LAPTM4B: variants seen among roughly 807,000 people sequenced by gnomAD.
LAPTM4B encodes lysosomal protein transmembrane 4 beta, also known as lysosomal-associated transmembrane protein 4B.
In LAPTM4B, 26 loss-of-function variants were observed where a neutral mutation model predicts 28.5. That is an observed-to-expected ratio of 0.91 (90% CI 0.67 to 1.27). The LOEUF (loss-of-function observed/expected upper bound fraction) is 1.27. Ranked by LOEUF, LAPTM4B falls within the 50% of genes most tolerant of loss-of-function variation. The pLI is 0.00. For missense variants in LAPTM4B, 288 were observed against 285.8 expected (o/e 1.01, Z -0.06); for synonymous variants, 109 against 106.4 (o/e 1.02, Z -0.15).
intron 1 of LAPTM4B, among the ~76,000 whole-genome samples, chr8:97,778,312 CTTTTT>C (rs569574870): frequency 2.1e-5 from 3 of 143,990 alleles, no homozygotes; most frequent in African/African-American, 7.6e-5. Flanking sequence ...TCTTTTCTTT[CTTTTT>C]TTTTTTTAAA....
rs1255298856 is a variant in LAPTM4B at position 97,836,943 on chromosome 8, A to AT, written c.603+11790_603+11791insT. 2.6e-3 allele frequency among the ~76,000 whole-genome samples: 401 copies of AT among 151,736 alleles called. 1 individual carries two copies. The highest frequency in any genetic ancestry group is 9.2e-3 in the African/African-American group (380 of 41,356). On this transcript the variant is annotated intron_variant, in intron 6 of 6. Coordinates refer to ENST00000521545, the MANE Select transcript of LAPTM4B (RefSeq NM_018407.6). ...TCAGAAAATAAGTATAAAGAGAAAAAAAAATATATATATATAACATATAAG... is the reference window on the plus strand; with the variant it reads ...TCAGAAAATAAGTATAAAGAGAAAAATAAAATATATATATATAACATATAAG...
chr8:97,792,508 G>C (rs1266224870), intron 1 of LAPTM4B, among the ~76,000 whole-genome samples: 2 of 152,132 alleles, frequency 1.3e-5, no homozygotes, highest in Non-Finnish European at 2.9e-5. Context: ...ACCTCCCTTG[G>C]CCTCCCAAAG....
At chr8:97,808,631 T>G (rs753034460) in intron 2 of LAPTM4B, among the ~76,000 whole-genome samples, 4 of 152,040 alleles carry the variant, frequency 2.6e-5, no homozygotes, top group Non-Finnish European at 2.9e-5. Context: ...TTTCTGTACC[T>G]TTATAACCAC....
intron 6 of LAPTM4B, among the ~76,000 whole-genome samples, chr8:97,850,916 A>G (rs896168776): frequency 3.3e-5 from 5 of 151,284 alleles, no homozygotes; most frequent in Non-Finnish European, 7.4e-5. Context: ...TTTCATAGAC[A>G]TGGAAACTGA....
intron 6 of LAPTM4B, among the ~76,000 whole-genome samples, chr8:97,847,782 T>A (rs1241584440): frequency 6.6e-6 from 1 of 152,180 alleles, no homozygotes; most frequent in African/African-American, 2.4e-5. Flanking sequence ...GGAGAACCTT[T>A]GAAAGTAGTC....
chr8:97,848,889 C>T (rs955752142), intron 6 of LAPTM4B, among the ~76,000 whole-genome samples: 3 of 152,146 alleles, frequency 2.0e-5, no homozygotes, highest in African/African-American at 7.2e-5. Flanking sequence ...AATATGCACA[C>T]GCAGAGAAGA....
At position 97,843,817 on chromosome 8, in the gene LAPTM4B, C is replaced by A. The variant is rs577913196; in HGVS notation, c.604-7580C>A. On this transcript the variant is annotated intron_variant, in intron 6 of 6. Coordinates refer to ENST00000521545, the MANE Select transcript of LAPTM4B (RefSeq NM_018407.6). ...TAAATAAATAAATAAATAAATAAAT[C>A]ATTTGCTTACAAAACAGTTGCTAAA... Among the ~76,000 whole-genome samples the A allele has an allele frequency of 4.9e-3, 624 of 127,370 alleles. 4 individuals carry two copies. Among genetic ancestry groups the A allele is most frequent in the African/African-American group, 0.021 (589 of 27,972 alleles). 83.6% of individuals were successfully genotyped at this position (127,370 alleles called of 152,430 possible). A position where few individuals can be genotyped will look rare whatever the true frequency, so the allele number is the denominator to read the frequency against.
At position 97,809,025 on chromosome 8, in the gene LAPTM4B, T is replaced by C. The variant is rs150447569; in HGVS notation, c.211+3561T>C. The stretch of plus-strand genomic sequence containing the variant: ...ATTCAGTCCTTTCAAATATATAAAA[T>C]AGGAGAGAAACCACAAAGGCACTGG... On this transcript the variant is annotated intron_variant, in intron 2 of 6. Transcript: ENST00000521545. 1.3e-3 allele frequency among the ~76,000 whole-genome samples: 193 copies of C among 151,302 alleles called. 1 individual carries two copies. Among genetic ancestry groups the C allele is most frequent in the Middle Eastern group, 3.4e-3 (1 of 290 alleles).
intron 3 of LAPTM4B, 111 bp from the exon 4 acceptor site, chr8:97,815,947 T>C: frequency 9.2e-7 from 1 of 1,085,120 alleles, no homozygotes; most frequent in Non-Finnish European, 1.3e-6. Context: ...CCTGGGTTAA[T>C]GAATTCCAAT....
chr8:97,835,918 C>G (rs781366502), intron 6 of LAPTM4B, among the ~76,000 whole-genome samples: 71 of 152,166 alleles, frequency 4.7e-4, no homozygotes, highest in Non-Finnish European at 9.6e-4. Context: ...AACCTGAGCA[C>G]CACTTACAAG....
chr8:97,787,281 TTC>T (rs1816418025), intron 1 of LAPTM4B, among the ~76,000 whole-genome samples: 1 of 124,334 alleles, frequency 8.0e-6, no homozygotes, highest in South Asian at 3.8e-4. Flanking sequence ...TAGGAGATGT[TTC>T]TTTCTTTTTT....
chr8:97,807,525 A>G (rs926290642), intron 2 of LAPTM4B, among the ~76,000 whole-genome samples: 3 of 152,210 alleles, frequency 2.0e-5, no homozygotes, highest in East Asian at 1.9e-4. Flanking sequence ...TTCAGCTACT[A>G]TTATCTAGAT....
intron 2 of LAPTM4B, among the ~76,000 whole-genome samples, chr8:97,807,387 G>A (rs1436953179): frequency 6.6e-6 from 1 of 152,152 alleles, no homozygotes; most frequent in Non-Finnish European, 1.5e-5. Context: ...CCTGGTCAAC[G>A]TGGCAAAACA....
chr8:97,803,569 G>A (rs1019325623), intron 1 of LAPTM4B, among the ~76,000 whole-genome samples: 22 of 152,034 alleles, frequency 1.4e-4, no homozygotes, highest in African/African-American at 2.7e-4. Context: ...CCACCGTGCC[G>A]GGCCAAAAAT....
chr8:97,840,505 A>G (rs1817328696), intron 6 of LAPTM4B, among the ~76,000 whole-genome samples: 1 of 152,176 alleles, frequency 6.6e-6, no homozygotes, highest in Non-Finnish European at 1.5e-5. Context: ...GTTTCTCATT[A>G]GAACTCCCAA....
At chr8:97,809,864 TATATTG>T (rs1816800898) in intron 2 of LAPTM4B, among the ~76,000 whole-genome samples, 2 of 152,104 alleles carry the variant, frequency 1.3e-5, no homozygotes, top group Admixed American at 1.3e-4. Context: ...AATTCCTATT[TATATTG>T]AAATGAGGCA....
chr8:97,842,951 T>C (rs947232449), intron 6 of LAPTM4B, among the ~76,000 whole-genome samples: 1 of 151,746 alleles, frequency 6.6e-6, no homozygotes, highest in African/African-American at 2.4e-5. Context: ...CAAACTTGGC[T>C]TACTGCAACC....
At chr8:97,815,196 C>A in intron 2 of LAPTM4B, 132 bp from the exon 3 acceptor site, 1 of 673,800 alleles carries the variant, frequency 1.5e-6, no homozygotes, top group Non-Finnish European at 2.6e-6. Flanking sequence ...TTGAAATAAT[C>A]TCTTAGTATA....
rs951168853 is a variant in LAPTM4B, at chr8:97,810,235, T to C, written c.211+4771T>C. 5.9e-5 allele frequency among the ~76,000 whole-genome samples: 9 copies of C among 152,222 alleles called. No individual in the cohort carries two copies. The South Asian group carries it at 1.9e-3, about 32-fold the overall frequency. ...CCCTACCCGCCCTCAATTTTTTCAG[T>C]GTTATAAAAATTGACTATACTGGGA... On this transcript the variant is annotated intron_variant, in intron 2 of 6. Coordinates refer to ENST00000521545, the MANE Select transcript of LAPTM4B (RefSeq NM_018407.6).
Sources: gnomAD v4.1 joint callset for allele counts (sites outside exome capture counted in the v4.1 genomes callset) on GRCh38, gnomAD v4.1.1 for gene constraint, MANE v1.5 for transcripts, NCBI Gene and HGNC (gene_info 2026-07-23, HGNC 2026-07-21) for gene names.